The following PDE1A variants were observed in gnomAD, a reference collection of about 807,000 sequenced individuals.
PDE1A encodes phosphodiesterase 1A.
A neutral mutation model predicts 61.7 loss-of-function variants in PDE1A; 35 were observed. That is an observed-to-expected ratio of 0.57 (90% CI 0.43 to 0.75). The LOEUF (loss-of-function observed/expected upper bound fraction) is 0.75. Among genes scored for constraint, PDE1A ranks in the 30% least tolerant of loss-of-function variants. The pLI is 0.00. For synonymous variants in PDE1A, 232 were observed against 213.2 expected, an observed-to-expected ratio of 1.09 and a Z score of -0.77; for missense variants, 597 against 630.6, an observed-to-expected ratio of 0.95 and a Z score of 0.57.
intron 1 of PDE1A, among the ~76,000 whole-genome samples, chr2:182,403,523 CGGGAG>C (rs1702127270): frequency 2.0e-5 from 3 of 148,806 alleles, no homozygotes; most frequent in African/African-American, 7.5e-5. Flanking sequence ...GGTGGGAACC[CGGGAG>C]GCGGAGCTTG....
At chr2:182,567,190 A>G in the PDE1A span, among the ~76,000 whole-genome samples, 20 of 152,200 alleles carry the variant, frequency 1.3e-4, no homozygotes, top group African/African-American at 4.3e-4. Context: ...ATGAGAGAAC[A>G]TTACCAAGAA....
chr2:182,224,264 A>G (rs575091601), intron 6 of PDE1A, among the ~76,000 whole-genome samples: 1 of 152,036 alleles, frequency 6.6e-6, no homozygotes, highest in East Asian at 1.9e-4. Context: ...ATTTACAGCC[A>G]TACATGTTTG....
chr2:182,392,327 G>C (rs1483844516), intron 1 of PDE1A, among the ~76,000 whole-genome samples: 1 of 152,126 alleles, frequency 6.6e-6, no homozygotes, highest in African/African-American at 2.4e-5. Context: ...GATCTCATGA[G>C]ACTTATTCAT....
intron 1 of PDE1A, among the ~76,000 whole-genome samples, chr2:182,324,304 C>T (rs833178): frequency 0.65 from 98,488 of 151,484 alleles, 33,618 homozygotes; most frequent in Middle Eastern, 0.78. Flanking sequence ...ACTTCAACAT[C>T]TAATCCACTA....
At chr2:182,253,670 T>TG (rs1691568834) in intron 2 of PDE1A, among the ~76,000 whole-genome samples, 1 of 152,136 alleles carries the variant, frequency 6.6e-6, no homozygotes, top group African/African-American at 2.4e-5. Context: ...ATCCTGAGCC[T>TG]GGGGCTGATG....
the PDE1A span, among the ~76,000 whole-genome samples, chr2:182,616,889 C>A: frequency 8.5e-5 from 13 of 152,316 alleles, no homozygotes; most frequent in Non-Finnish European, 1.3e-4. Context: ...ATCCATTAAA[C>A]CTCAGTGGAA....
intron 1 of PDE1A, among the ~76,000 whole-genome samples, chr2:182,424,404 G>A (rs746889863): frequency 6.6e-6 from 1 of 152,122 alleles, no homozygotes; most frequent in South Asian, 2.1e-4. Context: ...AGTGTGCAAG[G>A]CCCCTAGGAA....
chr2:182,257,704 C>G (rs181316920), intron 2 of PDE1A, among the ~76,000 whole-genome samples: 5 of 152,158 alleles, frequency 3.3e-5, no homozygotes, highest in South Asian at 4.1e-4. Context: ...TGATTGGCCC[C>G]TATCTTTATT....
intron 1 of PDE1A, among the ~76,000 whole-genome samples, chr2:182,328,618 G>A (rs555069976): frequency 6.6e-6 from 1 of 152,298 alleles, no homozygotes; most frequent in South Asian, 2.1e-4. Flanking sequence ...AGACTGAGAT[G>A]CTAGAACCTG....
At chr2:182,707,213 A>G in the PDE1A span, among the ~76,000 whole-genome samples, 1 of 152,240 alleles carries the variant, frequency 6.6e-6, no homozygotes, top group Non-Finnish European at 1.5e-5. Context: ...GAAATATCCA[A>G]AATCAGTAAC....
the PDE1A span, among the ~76,000 whole-genome samples, chr2:182,552,587 A>C: frequency 6.6e-6 from 1 of 151,976 alleles, no homozygotes; most frequent in African/African-American, 2.4e-5. Context: ...CTAGCTGGGA[A>C]GGTGACCGCA....
the PDE1A span, among the ~76,000 whole-genome samples, chr2:182,627,786 T>G: frequency 6.6e-6 from 1 of 151,394 alleles, no homozygotes; most frequent in Non-Finnish European, 1.5e-5. Flanking sequence ...CTACTAAAAA[T>G]ACAAAAATTT....
intron 1 of PDE1A, among the ~76,000 whole-genome samples, chr2:182,419,296 G>A (rs1192649887): frequency 6.6e-6 from 1 of 150,762 alleles, no homozygotes; most frequent in African/African-American, 2.4e-5. Flanking sequence ...GTACAGTTAT[G>A]CTGTAGAGTA....
intron 1 of PDE1A, among the ~76,000 whole-genome samples, chr2:182,335,475 A>G (rs1317164339): frequency 6.6e-6 from 1 of 152,090 alleles, no homozygotes; most frequent in Non-Finnish European, 1.5e-5. Flanking sequence ...ACATCTACTA[A>G]CTTCTGATCT....
intron 13 of PDE1A, among the ~76,000 whole-genome samples, chr2:182,159,255 T>A (rs906259636): frequency 1.3e-5 from 2 of 152,200 alleles, no homozygotes; most frequent in African/African-American, 2.4e-5. Context: ...GACAGGTATA[T>A]GAAGTGGCAG....
At chr2:182,478,425 G>C (rs1687507376) in intron 2 of PDE1A, among the ~76,000 whole-genome samples, 1 of 151,844 alleles carries the variant, frequency 6.6e-6, no homozygotes, top group African/African-American at 2.4e-5. Context: ...ACAATGTCCA[G>C]CCTCAGTAGG....
intron 2 of PDE1A, among the ~76,000 whole-genome samples, chr2:182,481,395 C>CA (rs1687694157): frequency 6.6e-6 from 1 of 151,910 alleles, no homozygotes; most frequent in Admixed American, 6.6e-5. Context: ...AGCTCACTAG[C>CA]ATACTGATGA....
intron 1 of PDE1A, among the ~76,000 whole-genome samples, chr2:182,308,266 T>C (rs1695731450): frequency 6.6e-6 from 1 of 152,160 alleles, no homozygotes. Flanking sequence ...TCAAGGATAA[T>C]TCTATAATGA....
At chr2:182,191,136 T>C (rs1232437439) in intron 10 of PDE1A, among the ~76,000 whole-genome samples, 1 of 152,166 alleles carries the variant, frequency 6.6e-6, no homozygotes, top group East Asian at 1.9e-4. Flanking sequence ...TCCCTCTTTT[T>C]TCCTAGCAAG....
Sources: gnomAD v4.1 joint callset for allele counts (sites outside exome capture counted in the v4.1 genomes callset) on GRCh38, gnomAD v4.1.1 for gene constraint, MANE v1.5 for transcripts, NCBI Gene and HGNC (gene_info 2026-07-23, HGNC 2026-07-21) for gene names.